The following CHADL variants were observed in gnomAD, a reference collection of about 807,000 sequenced individuals.
CHADL encodes chondroadherin-like protein.
Under a neutral mutation model 52.1 loss-of-function variants are expected in CHADL, and 48 were observed. The observed-to-expected ratio is 0.92, with a 90% confidence interval of 0.73 to 1.17. The LOEUF (loss-of-function observed/expected upper bound fraction) is 1.17, where lower values mean the gene tolerates loss of function less well. Ranked by LOEUF, CHADL falls within the 50% of genes most tolerant of loss-of-function variation. CHADL has a pLI of 0.00. For missense variants in CHADL, 977 were observed against 1,035.1 expected (o/e 0.94, Z 0.77); for synonymous variants, 498 against 511.2 (o/e 0.97, Z 0.35).
chr22:41,230,563 T>C, intron 5 of CHADL: 2 of 364,714 alleles, frequency 5.5e-6, no homozygotes, highest in Non-Finnish European at 1.0e-5. Context: ...TAAGATGGCC[T>C]CCCCCCGACC....
At chr22:41,230,439 C>T in intron 5 of CHADL, 1 of 592,376 alleles carries the variant, frequency 1.7e-6, no homozygotes, top group South Asian at 2.0e-5. Context: ...TGCTTCTGCC[C>T]TCCCCTGTGG....
At chr22:41,236,426 G>T in intron 4 of CHADL, 58 bp downstream of exon 4, 1 of 1,465,304 alleles carries the variant, frequency 6.8e-7, no homozygotes, top group Non-Finnish European at 9.3e-7. Flanking sequence ...AGATGACAGG[G>T]GCTTGACTGA....
intron 5 of CHADL, chr22:41,231,237 C>G (rs544029050): frequency 6.6e-6 from 1 of 152,228 alleles, no homozygotes; most frequent in African/African-American, 2.4e-5. Context: ...TCCCCAGACT[C>G]TGTGTGTGAG....
At position 41,237,366 on chromosome 22, in the gene CHADL, C is replaced by T. The variant is rs773677821; in HGVS notation, c.1706G>A (p.Arg569Gln). Residue 569 changes from arginine to glutamine, a missense_variant, in exon 3 of 6, where the codon CGG (arginine) becomes CAG (glutamine). Transcript: ENST00000216241. ...EVSLGALGPA[R>Q]ELEKLHLDRN... ...GTCCAGGTGCAGCTTCTCCAGCTCCCGAGCTGGGCCCAGCGCCCCAAGGGA... is the reference window on the plus strand; with the variant it reads ...GTCCAGGTGCAGCTTCTCCAGCTCCTGAGCTGGGCCCAGCGCCCCAAGGGA... The T allele has an allele frequency of 6.4e-7, 1 of 1,550,672 alleles. No homozygotes were observed.
In CHADL at chr22:41,237,958, C is replaced by G. The variant is rs529203646; in HGVS notation, c.1114G>C (p.Ala372Pro). Residue 372 changes from alanine to proline, a missense_variant, in exon 3 of 6, where the codon GCT becomes CCT. Transcript: ENST00000216241. The part of the protein sequence containing the change: ...AQEEEELEER[A>P]VAGPRAPPRG... ...GGAGGGGCGCGGGGCCCGGCCACAG[C>G]CCGCTCTTCCAGCTCTTCCTCTTCC... is the stretch of plus-strand genomic sequence containing the variant. 7.9e-7 allele frequency: 1 copy of G among 1,262,774 alleles called. No homozygotes were observed. The highest frequency in any genetic ancestry group is 1.6e-5 in the African/African-American group (1 of 63,878). 78.2% of individuals were successfully genotyped at this position (1,262,774 alleles called of 1,614,324 possible). A position where few individuals can be genotyped will look rare whatever the true frequency, so the allele number is the denominator to read the frequency against.
chr22:41,232,895 A>G (rs1228871740), intron 5 of CHADL, among the ~76,000 whole-genome samples: 3 of 152,102 alleles, frequency 2.0e-5, no homozygotes, highest in Non-Finnish European at 2.9e-5. Flanking sequence ...TGAGATTAGT[A>G]TTGCTCTCAT....
At chr22:41,233,653 G>A (rs968967907) in intron 5 of CHADL, among the ~76,000 whole-genome samples, 3 of 152,160 alleles carry the variant, frequency 2.0e-5, no homozygotes, top group Non-Finnish European at 4.4e-5. Flanking sequence ...GAGCACTACC[G>A]GTTCCAGAGA....
In CHADL at chr22:41,235,260, G is replaced by A. The variant is rs1377603576; in HGVS notation, c.2147C>T (p.Ala716Val). 6.4e-7 allele frequency: 1 copy of A among 1,551,350 alleles called. No individual in the cohort carries two copies. The highest frequency in any genetic ancestry group is 8.7e-7 in the Non-Finnish European group (1 of 1,147,004). Residue 716 changes from alanine to valine, a missense_variant, in exon 5 of 6, where the codon GCT (alanine) becomes GTT (valine). Physicochemically the swap from Ala to Val is moderately conservative, Grantham distance 64. Transcript: ENST00000216241. ...NARGQRVKAA[A>V]AVFEDCPGWA... ...GCCCGGGCAGTCTTCAAAGACAGCA[G>A]CTGCAGCCTTCACCCTCTGGCCACG...
At position 41,239,396 on chromosome 22, in the gene CHADL, C is replaced by T. The variant is rs758965519; in HGVS notation, c.186+47G>A. 1.1e-4 allele frequency: 169 copies of T among 1,525,722 alleles called. No homozygotes were observed. In the African/African-American group the frequency reaches 2.1e-3, roughly 19 times the overall value. 94.5% of individuals were successfully genotyped at this position (1,525,722 alleles called of 1,614,324 possible). A position where few individuals can be genotyped will look rare whatever the true frequency, so the allele number is the denominator to read the frequency against. The stretch of plus-strand genomic sequence containing the variant: ...GCCCAGGCTCCTCCCTCTGGGTCCC[C>T]ACCTTGCCCCACTGCCACTCTGTGC... On this transcript the variant is annotated intron_variant, in intron 2 of 5. Coordinates refer to ENST00000216241, the MANE Select transcript of CHADL (RefSeq NM_138481.2).
Position 41,235,307 on chromosome 22 carries a change from G to T in CHADL, c.2100C>A (p.Thr700=), listed in dbSNP as rs762843200. ...LTGLNLRVGA[T]CATPPNARGQ... ...CACGGGCATTGGGAGGGGTGGCGCA[G>T]GTGGCCCCCACCCGCAGGTTCAGCC... Residue 700 remains threonine (T), a synonymous_variant, in exon 5 of 6, where the codon ACC becomes ACA. Coordinates refer to ENST00000216241, the MANE Select transcript of CHADL (RefSeq NM_138481.2). 6.4e-7 allele frequency: 1 copy of T among 1,551,082 alleles called. No individual in the cohort carries two copies. Among genetic ancestry groups the T allele is most frequent in the Admixed American group, 2.0e-5 (1 of 51,014 alleles).
chr22:41,232,325 C>CT (rs2032631846), intron 5 of CHADL, among the ~76,000 whole-genome samples: 2 of 135,410 alleles, frequency 1.5e-5, no homozygotes, highest in South Asian at 4.5e-4. Context: ...GAGCGAGACT[C>CT]TGTCTCAAAA....
chr22:41,232,167 C>A (rs571229288), intron 5 of CHADL, among the ~76,000 whole-genome samples: 1 of 151,816 alleles, frequency 6.6e-6, no homozygotes, highest in South Asian at 2.1e-4. Flanking sequence ...CCTGTCTCTA[C>A]TAAAAATACA....
intron 4 of CHADL, among the ~76,000 whole-genome samples, chr22:41,236,215 C>T (rs1310974189): frequency 6.6e-6 from 1 of 152,192 alleles, no homozygotes; most frequent in Non-Finnish European, 1.5e-5. Flanking sequence ...GTCTCGCCTA[C>T]CTATTAGGTC....
chr22:41,239,431 T>C lies in CHADL; in HGVS notation c.186+12A>G, dbSNP rs1285759037. On this transcript the variant is annotated intron_variant, in intron 2 of 5. Transcript: ENST00000216241. The stretch of plus-strand genomic sequence containing the variant: ...CACTGCCACTCTGTGCCTGTGCTCC[T>C]GCCCTGCTGACCTCAGGGATGGCGT... 6.5e-7 allele frequency: 1 copy of C among 1,549,790 alleles called. No homozygotes were observed. The highest frequency in any genetic ancestry group is 2.4e-5 in the East Asian group (1 of 40,832).
In CHADL at chr22:41,238,392, G is replaced by C. The variant is rs939621113; in HGVS notation, c.680C>G (p.Ser227Cys). Reference protein sequence around the residue: ...ELQALPGPVLSQARGLARLEL... With the variant: ...ELQALPGPVLCQARGLARLEL... ...CAGACGGGCCAGGCCGCGGGCCTGG[G>C]ACAAGACAGGCCCGGGCAGAGCCTG... is the stretch of plus-strand genomic sequence containing the variant. The change falls in exon 3 of 6, where the codon TCC becomes TGC. Residue 227 changes from serine to cysteine, a missense_variant. By Grantham distance (112) the Ser-to-Cys change is moderately radical. Coordinates refer to ENST00000216241, the MANE Select transcript of CHADL (RefSeq NM_138481.2). This position sits in a 1 kb window ranked among gnomAD's most constrained non-coding sequence, Gnocchi z 4.9. 2 of 1,505,666 alleles carry C rather than the reference G, an allele frequency of 1.3e-6. No homozygotes were observed. Among genetic ancestry groups the C allele is most frequent in the Non-Finnish European group, 8.8e-7 (1 of 1,131,744 alleles). The allele number at this position is 1,505,666 out of a possible 1,614,324, so 93.3% of individuals were successfully genotyped here.
Position 41,237,791 on chromosome 22 carries a change from G to C in CHADL, c.1281C>G (p.Thr427=), listed in dbSNP as rs2032773513. ...GGTTCCGCCTCAGGTCCAGGAGCTG[G>C]GTGTCGCTGGGGAAGCCGCGGGGCA... The part of the protein sequence containing the change: ...QAVPRGFPSD[T]QLLDLRRNHF... The change falls in exon 3 of 6, where the codon ACC becomes ACG. Residue 427 remains threonine, a synonymous_variant. Coordinates refer to ENST00000216241, the MANE Select transcript of CHADL (RefSeq NM_138481.2). The C allele has an allele frequency of 6.6e-7, 1 of 1,513,936 alleles. No individual in the cohort carries two copies. The highest frequency in any genetic ancestry group is 2.5e-5 in the East Asian group (1 of 40,304). The allele number at this position is 1,513,936 out of a possible 1,614,324, so 93.8% of individuals were successfully genotyped here.
intron 5 of CHADL, among the ~76,000 whole-genome samples, chr22:41,232,801 G>T (rs1242528700): frequency 6.6e-6 from 1 of 152,086 alleles, no homozygotes; most frequent in Non-Finnish European, 1.5e-5. Flanking sequence ...CCTGAACCCA[G>T]CTCCGCTTCT....
rs1419119347 is a variant in CHADL at position 41,237,322 on chromosome 22, C to T, written c.1750G>A (p.Val584Met). Residue 584 changes from valine to methionine, a missense_variant, in exon 3 of 6, where the codon GTG (valine) becomes ATG (methionine). Coordinates refer to ENST00000216241, the MANE Select transcript of CHADL (RefSeq NM_138481.2). ...LHLDRNQLRE[V>M]PTGALEGLPA... Reference sequence around the variant, plus strand: ...AGCCCCTCCAAGGCCCCAGTGGGCACCTCTCGCAGCTGATTCCTGTCCAGG... The same window carrying T: ...AGCCCCTCCAAGGCCCCAGTGGGCATCTCTCGCAGCTGATTCCTGTCCAGG... 1 of 1,550,678 alleles carries T rather than the reference C, an allele frequency of 6.4e-7. No homozygotes were observed. The highest frequency in any genetic ancestry group is 1.4e-5 in the African/African-American group (1 of 73,184).
chr22:41,236,375 C>A, intron 4 of CHADL, 109 bp downstream of exon 4: 1 of 1,011,624 alleles, frequency 9.9e-7, no homozygotes, highest in Non-Finnish European at 1.5e-6. Context: ...CGCCCCTCCC[C>A]ACAAGCTGCT....
Sources: gnomAD v4.1 joint callset for allele counts (sites outside exome capture counted in the v4.1 genomes callset) on GRCh38, gnomAD v4.1.1 for gene constraint, Gnocchi (gnomAD v3.1) non-coding constraint, MANE v1.5 for transcripts, NCBI Gene and HGNC (gene_info 2026-07-23, HGNC 2026-07-21) for gene names.